PCLO: variants seen among roughly 807,000 people sequenced by gnomAD.
PCLO encodes protein piccolo.
Under a neutral mutation model 427.5 loss-of-function variants are expected in PCLO, and 82 were observed. The ratio of observed to expected loss-of-function variants is 0.19; its 90% confidence interval spans 0.16 to 0.23. PCLO has a LOEUF of 0.23. Among genes scored for constraint, PCLO ranks in the 10% least tolerant of loss-of-function variants. The pLI is 1.00. For synonymous variants in PCLO, 2,357 were observed against 2,155.4 expected (o/e 1.09, Z -2.59); for missense variants, 6,239 against 6,115.9 (o/e 1.02, Z -0.67).
In PCLO at chr7:82,955,279, A is replaced by G. The variant is rs1286715830; in HGVS notation, c.5674T>C (p.Leu1892=). Residue 1892 remains leucine, a synonymous_variant, in exon 5 of 25, where the codon TTA becomes CTA. Coordinates refer to ENST00000333891, the MANE Select transcript of PCLO (RefSeq NM_033026.6). ...KVYKLPTAVS[L]YSPTDEQSIM... is the part of the protein sequence containing the mutation. ...GATTGCTCATCTGTTGGTGAGTATA[A>G]TGAAACAGCTGTGGGCAATTTATAA... is the stretch of plus-strand genomic sequence containing the variant. The G allele has an allele frequency of 6.2e-7, 1 of 1,613,432 alleles. No individual in the cohort carries two copies.
At chr7:83,100,612 C>T (rs977385947) in intron 3 of PCLO, among the ~76,000 whole-genome samples, 6 of 152,078 alleles carry the variant, frequency 3.9e-5, no homozygotes, top group African/African-American at 1.2e-4. Flanking sequence ...GATGAGAACA[C>T]GTGCTCACAT....
chr7:82,942,211 T>G (rs1479448620), intron 6 of PCLO, among the ~76,000 whole-genome samples: 3 of 152,170 alleles, frequency 2.0e-5, no homozygotes, highest in Admixed American at 1.3e-4. Context: ...GAAACTAATA[T>G]GCTGAAATAC....
At chr7:83,048,090 ATCTAAACAACATATTTTAGTGCTGGGT>A (rs1265750626) in intron 3 of PCLO, among the ~76,000 whole-genome samples, 2 of 152,102 alleles carry the variant, frequency 1.3e-5, no homozygotes, top group Non-Finnish European at 2.9e-5. Flanking sequence ...GGGATTTATA[ATCTAAACAACATATTTTAGTGCTGGGT>A]TGCATATTGT....
intron 3 of PCLO, among the ~76,000 whole-genome samples, chr7:83,079,425 G>A (rs1429424549): frequency 6.6e-6 from 1 of 151,886 alleles, no homozygotes; most frequent in Non-Finnish European, 1.5e-5. Flanking sequence ...AAATAACTCT[G>A]CTGGAACCAT....
At chr7:83,065,056 CAAAA>C (rs61255338) in intron 3 of PCLO, among the ~76,000 whole-genome samples, 4 of 140,122 alleles carry the variant, frequency 2.9e-5, no homozygotes, top group Admixed American at 7.1e-5. Context: ...GCTTGGGTTC[CAAAA>C]AAAAAAAAAA....
intron 22 of PCLO, among the ~76,000 whole-genome samples, chr7:82,789,204 C>T (rs1321760630): frequency 3.3e-5 from 5 of 152,090 alleles, no homozygotes; most frequent in Non-Finnish European, 7.4e-5. Context: ...ATATTCAGAG[C>T]TCTAAAACAC....
In PCLO at chr7:82,954,550, G is replaced by A. The variant is rs1470276849; in HGVS notation, c.6403C>T (p.His2135Tyr). 3 of 1,613,824 alleles carry A rather than the reference G, an allele frequency of 1.9e-6. No homozygotes were observed. Among genetic ancestry groups the A allele is most frequent in the South Asian group, 1.1e-5 (1 of 91,078 alleles). The change falls in exon 5 of 25, where the codon CAT becomes TAT. Residue 2135 changes from histidine (H) to tyrosine (Y), a missense_variant. This residue lies in a region of PCLO where 4,677 missense variants were observed against 4,468.4 expected (regional missense o/e 1.05). Transcript: ENST00000333891. ...TCCTCAATTTCTTCTGTTGAAAAAT[G>A]TTGGGTTATTTTAACATCTGGGATA... The part of the protein sequence containing the change: ...LSIPDVKITQ[H>Y]FSTEEIEDEY...
rs1266219930 is a variant in PCLO, at chr7:82,950,535, T to C, written c.10053A>G (p.Ala3351=). Residue 3351 remains alanine, a synonymous_variant, in exon 6 of 25, where the codon GCA becomes GCG. Transcript: ENST00000333891. ...AAGCTGTGGTGGTTGCATCTTCAGT[T>C]GCCCAAAATTGACTGCCTTCCAGAG... ...YAALEGSQFW[A]TEDATTTASA... is the part of the protein sequence containing the mutation. The C allele has an allele frequency of 6.2e-7, 1 of 1,613,780 alleles. No homozygotes were observed. Among genetic ancestry groups the C allele is most frequent in the Non-Finnish European group, 8.5e-7 (1 of 1,179,872 alleles).
At chr7:82,768,351 AG>A (rs1790576363) in intron 22 of PCLO, among the ~76,000 whole-genome samples, 1 of 151,702 alleles carries the variant, frequency 6.6e-6, no homozygotes, top group Admixed American at 6.6e-5. Context: ...TGAACCTGGG[AG>A]GCAGAGGTTG....
At chr7:82,881,834 A>G (rs1793515603) in intron 9 of PCLO, among the ~76,000 whole-genome samples, 1 of 151,898 alleles carries the variant, frequency 6.6e-6, no homozygotes. Flanking sequence ...GTAGACACCC[A>G]GTCTGGCTAT....
chr7:82,765,272 C>G (rs1790509781), intron 22 of PCLO, among the ~76,000 whole-genome samples: 2 of 151,842 alleles, frequency 1.3e-5, no homozygotes, highest in South Asian at 4.1e-4. Context: ...AGAAAATACA[C>G]ATATTCTTCT....
chr7:83,073,761 T>G, intron 3 of PCLO, among the ~76,000 whole-genome samples: 1 of 151,724 alleles, frequency 6.6e-6, no homozygotes, highest in Middle Eastern at 3.4e-3. Flanking sequence ...AAACTAAAGC[T>G]ATTAAAAACT....
At chr7:83,160,399 C>T (rs976271487) in intron 1 of PCLO, among the ~76,000 whole-genome samples, 1 of 152,088 alleles carries the variant, frequency 6.6e-6, no homozygotes, top group Non-Finnish European at 1.5e-5. Flanking sequence ...ATTAAATTTA[C>T]ATAACTCTAT....
Position 83,134,218 on chromosome 7 carries a change from AATATATATATATAT to A in PCLO, c.3300+18_3300+31del. On this transcript the variant is annotated intron_variant, in intron 3 of 24. Coordinates refer to ENST00000333891, the MANE Select transcript of PCLO (RefSeq NM_033026.6). ...AACCCACAGACTCACCTCCATATGT[AATATATATATATAT>A]ATATATATATAACTTACCTCAGTCA... 2.3e-6 allele frequency: 1 copy of A among 428,842 alleles called. No individual in the cohort carries two copies. The highest frequency in any genetic ancestry group is 1.4e-4 in the South Asian group (1 of 6,936). 26.6% of individuals were successfully genotyped at this position (428,842 alleles called of 1,614,324 possible).
chr7:83,027,508 G>A (rs1459422682), intron 3 of PCLO, among the ~76,000 whole-genome samples: 14 of 145,950 alleles, frequency 9.6e-5, no homozygotes, highest in South Asian at 4.5e-4. Flanking sequence ...TAGATTCACA[G>A]CCAAATTCTA....
chr7:83,014,519 C>G (rs1165518697), intron 3 of PCLO, among the ~76,000 whole-genome samples: 1 of 151,718 alleles, frequency 6.6e-6, no homozygotes, highest in African/African-American at 2.4e-5. Flanking sequence ...GCAAAATTTC[C>G]TGAAAGTAAT....
chr7:82,887,818 C>T (rs1304880276), intron 9 of PCLO, among the ~76,000 whole-genome samples: 2 of 151,746 alleles, frequency 1.3e-5, no homozygotes, highest in Admixed American at 6.6e-5. Context: ...AATGAAAAAG[C>T]GAACACTTTG....
intron 3 of PCLO, among the ~76,000 whole-genome samples, chr7:83,114,083 C>T (rs770323163): frequency 6.6e-6 from 1 of 152,088 alleles, no homozygotes; most frequent in East Asian, 1.9e-4. Context: ...GTAGTCTTAA[C>T]TACAATTATA....
intron 3 of PCLO, among the ~76,000 whole-genome samples, chr7:83,001,737 T>A (rs534238835): frequency 6.6e-6 from 1 of 152,190 alleles, no homozygotes; most frequent in South Asian, 2.1e-4. Flanking sequence ...TGGTGCTGAT[T>A]TATAGCTGGA....
Sources: allele counts gnomAD v4.1 joint callset (sites outside exome capture counted in the v4.1 genomes callset), GRCh38; gene constraint gnomAD v4.1.1; regional missense constraint gnomAD v4.1.1; transcripts MANE v1.5; gene names NCBI Gene and HGNC (gene_info 2026-07-23, HGNC 2026-07-21).